The following PRDX1 variants were observed in gnomAD, a reference collection of about 807,000 sequenced individuals.
The protein encoded by PRDX1 is peroxiredoxin 1.
PRDX1 carries 19 observed loss-of-function variants against 20.7 expected under a neutral mutation model. The observed-to-expected ratio is 0.92, with a 90% CI of 0.64 to 1.35. PRDX1 has a LOEUF of 1.35. Among genes scored for constraint, PRDX1 ranks in the 40% most tolerant of loss-of-function variants. The pLI is 0.00. For missense variants in PRDX1, 226 were observed against 240.0 expected (o/e 0.94, Z 0.38); for synonymous variants, 89 against 83.9 (o/e 1.06, Z -0.33).
At chr1:45,521,502 C>G (rs1343095833) in intron 1 of PRDX1, 1 of 152,348 alleles carries the variant, frequency 6.6e-6, no homozygotes, top group Non-Finnish European at 1.5e-5. Context: ...CGAACCCACC[C>G]CGTCCGGCAG....
chr1:45,522,797 T>C (rs2149331512), upstream of PRDX1: 1 of 152,372 alleles, frequency 6.6e-6, no homozygotes, highest in East Asian at 1.9e-4. Context: ...CAGGCTGTAG[T>C]GCAGTGGCAC....
intron 2 of PRDX1, among the ~76,000 whole-genome samples, chr1:45,517,781 C>CAA (rs59782906): frequency 5.9e-5 from 5 of 84,354 alleles, no homozygotes; most frequent in African/African-American, 1.9e-4. Flanking sequence ...GACTCCGTCT[C>CAA]AAAAAAAAAA....
At chr1:45,520,762 G>A (rs1489671504) in intron 1 of PRDX1, among the ~76,000 whole-genome samples, 1 of 149,654 alleles carries the variant, frequency 6.7e-6, no homozygotes, top group African/African-American at 2.5e-5. Context: ...AATTAGCCGG[G>A]GCTTGGTGGC....
intron 2 of PRDX1, among the ~76,000 whole-genome samples, chr1:45,516,283 G>A (rs1228996026): frequency 6.6e-6 from 1 of 152,240 alleles, no homozygotes; most frequent in East Asian, 1.9e-4. Context: ...AATGGAACAA[G>A]CATGGTTTAA....
At position 45,514,900 on chromosome 1, in the gene PRDX1, A is replaced by C. The variant is rs751350805; in HGVS notation, c.356T>G (p.Leu119Ter). 4 of 1,614,184 alleles carry C rather than the reference A, an allele frequency of 2.5e-6. No homozygotes were observed. The South Asian group carries it at 4.4e-5, about 18-fold the overall frequency. The change falls in exon 4 of 6, where the codon TTA becomes TGA. Residue 119 changes from leucine to a stop codon, truncating the protein, a stop_gained. Coordinates refer to ENST00000319248, the MANE Select transcript of PRDX1 (RefSeq NM_181697.3). LOFTEE classifies it high-confidence loss of function. ...GAACGAGATGCCTTCATCAGCCTTT[A>C]AGACCCCATAATCCTGAGCAATGGT... ...KRTIAQDYGV[L>*]KADEGISFRG... is the part of the protein sequence containing the mutation.
intron 4 of PRDX1, 110 bp downstream of exon 4, chr1:45,514,763 A>C (rs868835345): frequency 6.4e-7 from 1 of 1,568,216 alleles, no homozygotes; most frequent in Middle Eastern, 1.7e-4. Flanking sequence ...CTTAGTGAGG[A>C]GGCCCCTGCA....
In PRDX1 at chr1:45,511,135, C is replaced by G. The variant is rs757696185; in HGVS notation, c.*194G>C. 3 of 530,342 alleles carry G rather than the reference C, an allele frequency of 5.7e-6. No homozygotes were observed. The highest frequency in any genetic ancestry group is 6.0e-5 in the East Asian group (2 of 33,426). 32.9% of individuals were successfully genotyped at this position (530,342 alleles called of 1,614,324 possible). On this transcript the variant is annotated 3_prime_UTR_variant, in exon 6 of 6. Coordinates refer to ENST00000319248, the MANE Select transcript of PRDX1 (RefSeq NM_181697.3). ...ATACAAACCAGTAGCCTGCCCACAA[C>G]GCCAACTCAGGCCATTCCTACCAAA...
chr1:45,515,021 T>TAC, intron 3 of PRDX1, 26 bp from the exon 4 acceptor site: 1 of 1,613,114 alleles, frequency 6.2e-7, no homozygotes. Flanking sequence ...AACATACAGT[T>TAC]ACATTCAAAC....
intron 5 of PRDX1, among the ~76,000 whole-genome samples, chr1:45,513,918 A>C (rs1364011745): frequency 2.0e-5 from 3 of 152,144 alleles, no homozygotes; most frequent in Non-Finnish European, 4.4e-5. Flanking sequence ...GGGGTCCCCC[A>C]GCCTGACACC....
chr1:45,520,992 A>C (rs1643907077), intron 1 of PRDX1, among the ~76,000 whole-genome samples: 1 of 152,332 alleles, frequency 6.6e-6, no homozygotes, highest in East Asian at 1.9e-4. Flanking sequence ...AAGCAAAAGA[A>C]ATTTTGTAAG....
intron 2 of PRDX1, among the ~76,000 whole-genome samples, chr1:45,518,194 G>A (rs558853396): frequency 2.2e-4 from 33 of 152,064 alleles, no homozygotes; most frequent in Middle Eastern, 3.4e-3. Flanking sequence ...CAGGCGTGGT[G>A]GCTCATGCCT....
At chr1:45,522,540 A>G (rs564420736), upstream of PRDX1, among the ~76,000 whole-genome samples, 4 of 152,236 alleles carry the variant, frequency 2.6e-5, no homozygotes, top group South Asian at 6.2e-4. Context: ...AACATTACAC[A>G]TTAGCCAGAC....
At chr1:45,519,910 T>A (rs1643892818) in intron 1 of PRDX1, among the ~76,000 whole-genome samples, 2 of 152,166 alleles carry the variant, frequency 1.3e-5, no homozygotes, top group East Asian at 3.9e-4. Flanking sequence ...CAGTCCAACT[T>A]TTAAGAGGCA....
intron 5 of PRDX1, among the ~76,000 whole-genome samples, chr1:45,513,688 TGGATTAAG>T (rs1173484923): frequency 6.6e-6 from 1 of 152,226 alleles, no homozygotes; most frequent in Non-Finnish European, 1.5e-5. Flanking sequence ...CAGGGTTAAA[TGGATTAAG>T]GGCTGTGCAA....
intron 1 of PRDX1, among the ~76,000 whole-genome samples, chr1:45,519,664 C>T (rs887643627): frequency 6.6e-6 from 1 of 152,170 alleles, no homozygotes; most frequent in Non-Finnish European, 1.5e-5. Context: ...GGCATTATCT[C>T]GGCTCACTGC....
At chr1:45,519,090 A>C (rs1444717639) in intron 1 of PRDX1, 36 bp from the exon 2 acceptor site, 1 of 1,427,926 alleles carries the variant, frequency 7.0e-7, no homozygotes, top group African/African-American at 1.4e-5. Flanking sequence ...AACAAGCCTT[A>C]ATTTTCTACA....
chr1:45,515,041 G>A (rs2149327644), intron 3 of PRDX1, 46 bp from the exon 4 acceptor site: 1 of 1,604,080 alleles, frequency 6.2e-7, no homozygotes, highest in South Asian at 1.1e-5. Context: ...CTCTTGACTT[G>A]ACTGTACGCA....
rs567286723 is a variant in PRDX1, at chr1:45,516,716, A to G, written c.107-909T>C. ...GGTAGCAGCAATGTTTGAAAAGTCAAACAGGCTGGGTGTGGTGGCATGGTG... is the reference window on the plus strand; with the variant it reads ...GGTAGCAGCAATGTTTGAAAAGTCAGACAGGCTGGGTGTGGTGGCATGGTG... On this transcript the variant is annotated intron_variant, in intron 2 of 5. Coordinates refer to ENST00000319248, the MANE Select transcript of PRDX1 (RefSeq NM_181697.3). Among the ~76,000 whole-genome samples the G allele has an allele frequency of 3.9e-5, 6 of 152,200 alleles. No homozygotes were observed. The South Asian group carries it at 8.3e-4, about 21-fold the overall frequency.
chr1:45,519,756 C>T (rs910361504), intron 1 of PRDX1, among the ~76,000 whole-genome samples: 2 of 152,132 alleles, frequency 1.3e-5, no homozygotes, highest in Non-Finnish European at 1.5e-5. Flanking sequence ...CCACCACACC[C>T]GGCTAATTTT....
Sources: allele counts gnomAD v4.1 joint callset (sites outside exome capture counted in the v4.1 genomes callset), GRCh38; gene constraint gnomAD v4.1.1; transcripts MANE v1.5; gene names NCBI Gene and HGNC (gene_info 2026-07-23, HGNC 2026-07-21).